The following HMGCLL1 variants were observed in gnomAD, a reference collection of about 807,000 sequenced individuals.
HMGCLL1 encodes 3-hydroxymethyl-3-methylglutaryl-CoA lyase, cytoplasmic.
Under a neutral mutation model 39.1 loss-of-function variants are expected in HMGCLL1, and 36 were observed. The ratio of observed to expected loss-of-function variants is 0.92; its 90% CI spans 0.71 to 1.22. The LOEUF is 1.22. Among genes scored for constraint, HMGCLL1 ranks in the 50% most tolerant of loss-of-function variants. The pLI, the probability that HMGCLL1 is intolerant of heterozygous loss-of-function variation, is 0.00. For missense variants in HMGCLL1, 451 were observed against 416.5 expected (o/e 1.08, Z -0.72); for synonymous variants, 149 against 144.0 (o/e 1.03, Z -0.25).
the HMGCLL1 span, among the ~76,000 whole-genome samples, chr6:55,650,100 T>C: frequency 1.7e-3 from 56 of 33,134 alleles, no homozygotes; most frequent in African/African-American, 7.1e-3. Context: ...CATATATATA[T>C]ATATATATAT....
At chr6:55,648,104 A>T in the HMGCLL1 span, among the ~76,000 whole-genome samples, 2 of 134,354 alleles carry the variant, frequency 1.5e-5, no homozygotes, top group African/African-American at 5.9e-5. Flanking sequence ...TGAACTCATC[A>T]TTTTTTATGG....
the HMGCLL1 span, among the ~76,000 whole-genome samples, chr6:55,668,763 G>A: frequency 6.6e-6 from 1 of 151,808 alleles, no homozygotes; most frequent in Admixed American, 6.6e-5. Flanking sequence ...CTCAGAGAAA[G>A]TAGAGGAAAT....
At chr6:55,456,922 G>A (rs1361735281) in intron 7 of HMGCLL1, among the ~76,000 whole-genome samples, 1 of 152,188 alleles carries the variant, frequency 6.6e-6, no homozygotes, top group East Asian at 1.9e-4. Flanking sequence ...AACTCAGTTG[G>A]TGAGCAAGTT....
chr6:55,643,805 C>T, the HMGCLL1 span, among the ~76,000 whole-genome samples: 1 of 151,806 alleles, frequency 6.6e-6, no homozygotes, highest in African/African-American at 2.4e-5. Context: ...TTTCTTATAG[C>T]TGAATGACAC....
At chr6:55,615,416 G>A in the HMGCLL1 span, among the ~76,000 whole-genome samples, 1 of 152,134 alleles carries the variant, frequency 6.6e-6, no homozygotes, top group Admixed American at 6.6e-5. Context: ...AAGGCTCAAA[G>A]ATTTGCAGGC....
chr6:55,447,539 C>T (rs1763907746), intron 7 of HMGCLL1, among the ~76,000 whole-genome samples: 1 of 151,468 alleles, frequency 6.6e-6, no homozygotes, highest in Non-Finnish European at 1.5e-5. Context: ...CTTCACTGGA[C>T]ATATTCAAAT....
chr6:55,649,374 G>GTT, the HMGCLL1 span, among the ~76,000 whole-genome samples: 2 of 140,648 alleles, frequency 1.4e-5, no homozygotes. Flanking sequence ...AGGGTAAAAG[G>GTT]TTTTTTTTTT....
the HMGCLL1 span, among the ~76,000 whole-genome samples, chr6:55,596,288 C>T: frequency 6.6e-6 from 1 of 152,178 alleles, no homozygotes; most frequent in Non-Finnish European, 1.5e-5. Flanking sequence ...CATCACACCA[C>T]TGCACTCCAG....
chr6:55,650,899 G>T, the HMGCLL1 span, among the ~76,000 whole-genome samples: 1 of 151,254 alleles, frequency 6.6e-6, no homozygotes, highest in East Asian at 2.0e-4. Context: ...TCAGCTTTTG[G>T]TGAATACTGC....
At chr6:55,480,791 T>C (rs1765699677) in intron 7 of HMGCLL1, among the ~76,000 whole-genome samples, 1 of 148,442 alleles carries the variant, frequency 6.7e-6, no homozygotes. Flanking sequence ...AATGGAATAC[T>C]ATTCAGCCAT....
At chr6:55,619,271 GA>G in the HMGCLL1 span, among the ~76,000 whole-genome samples, 107 of 151,838 alleles carry the variant, frequency 7.0e-4, 3 homozygotes, top group South Asian at 0.012. Context: ...AAATTGTAGT[GA>G]AAAAAAATTA....
At chr6:55,668,698 A>G in the HMGCLL1 span, among the ~76,000 whole-genome samples, 1 of 151,914 alleles carries the variant, frequency 6.6e-6, no homozygotes, top group Non-Finnish European at 1.5e-5. Flanking sequence ...ATTGTGTTAA[A>G]GAGCGAGCTT....
the HMGCLL1 span, among the ~76,000 whole-genome samples, chr6:55,589,435 C>G: frequency 1.3e-5 from 2 of 152,170 alleles, no homozygotes; most frequent in African/African-American, 4.8e-5. Context: ...GACAAACCCA[C>G]AGCCAGTATC....
At chr6:55,625,212 A>G in the HMGCLL1 span, among the ~76,000 whole-genome samples, 1 of 152,078 alleles carries the variant, frequency 6.6e-6, no homozygotes, top group Non-Finnish European at 1.5e-5. Flanking sequence ...ATGTTTGACT[A>G]TGGGTCAAGT....
At chr6:55,453,152 T>TTTG (rs528372706) in intron 7 of HMGCLL1, among the ~76,000 whole-genome samples, 42 of 151,716 alleles carry the variant, frequency 2.8e-4, no homozygotes, top group South Asian at 1.9e-3. Flanking sequence ...TACTAAGAAG[T>TTTG]TTGTTGTTGT....
intron 5 of HMGCLL1, among the ~76,000 whole-genome samples, chr6:55,505,540 T>TA (rs1767112237): frequency 6.6e-6 from 1 of 151,672 alleles, no homozygotes. Flanking sequence ...ACATAAAAAT[T>TA]AAAGACTGTT....
At chr6:55,604,536 T>G in the HMGCLL1 span, among the ~76,000 whole-genome samples, 55 of 152,220 alleles carry the variant, frequency 3.6e-4, no homozygotes, top group East Asian at 8.3e-3. Context: ...ACAAAAGAAA[T>G]TTTTGAAAGT....
At chr6:55,654,324 A>G in the HMGCLL1 span, among the ~76,000 whole-genome samples, 2 of 150,586 alleles carry the variant, frequency 1.3e-5, no homozygotes, top group Non-Finnish European at 3.0e-5. Flanking sequence ...AAAATTATAT[A>G]TTATATAAAT....
chr6:55,618,948 C>G, the HMGCLL1 span, among the ~76,000 whole-genome samples: 1 of 152,038 alleles, frequency 6.6e-6, no homozygotes, highest in African/African-American at 2.4e-5. Flanking sequence ...AAAGTGTTTA[C>G]TGTTCATGCA....
Sources: allele counts gnomAD v4.1 joint callset (sites outside exome capture counted in the v4.1 genomes callset), GRCh38; gene constraint gnomAD v4.1.1; transcripts MANE v1.5; gene names NCBI Gene and HGNC (gene_info 2026-07-23, HGNC 2026-07-21).